The following RCBTB1 variants were observed in gnomAD, a reference collection of about 807,000 sequenced individuals.
The protein encoded by RCBTB1 is RCC1 and BTB domain-containing protein 1.
In RCBTB1, 46 loss-of-function variants were observed where a neutral mutation model predicts 62.4. The observed-to-expected ratio is 0.74, with a 90% CI of 0.58 to 0.94. RCBTB1 has a LOEUF of 0.94. Among genes scored for constraint, RCBTB1 ranks in the 40% least tolerant of loss-of-function variants. The pLI is 0.00. For synonymous variants in RCBTB1, 222 were observed against 245.8 expected (o/e 0.90, Z 0.91); for missense variants, 565 against 654.9 (o/e 0.86, Z 1.50).
chr13:49,573,224 G>A (rs1011990704), intron 2 of RCBTB1, among the ~76,000 whole-genome samples: 4 of 152,160 alleles, frequency 2.6e-5, no homozygotes, highest in African/African-American at 7.2e-5. Flanking sequence ...TTTTTCTAAA[G>A]TATAATATAT....
intron 5 of RCBTB1, among the ~76,000 whole-genome samples, chr13:49,559,566 A>G (rs527708485): frequency 1.3e-4 from 19 of 150,444 alleles, no homozygotes; most frequent in East Asian, 5.9e-4. Context: ...TGAGGCAGGA[A>G]AATGGCGTAA....
chr13:49,579,675 G>C (rs757010319), intron 2 of RCBTB1, among the ~76,000 whole-genome samples: 35 of 151,528 alleles, frequency 2.3e-4, no homozygotes, highest in Non-Finnish European at 4.0e-4. Flanking sequence ...CTGAATGCTT[G>C]ACTAAGGAGT....
rs1291923853 is a variant in RCBTB1, at chr13:49,569,575, C to T, written c.-41-2255G>A. 2.0e-5 allele frequency among the ~76,000 whole-genome samples: 3 copies of T among 151,680 alleles called. No individual in the cohort carries two copies. In the East Asian group the frequency reaches 5.8e-4, roughly 29 times the overall value. On this transcript the variant is annotated intron_variant, in intron 2 of 12. Transcript: ENST00000378302. ...GAAAATACAAAAAAAATTAGCCTGG[C>T]GGTAGTGGCGCATGCCTGTAATCCC...
In RCBTB1 at chr13:49,534,134, G is replaced by C. The variant is rs751115168; in HGVS notation, c.1584C>G (p.Ala528=). 1.4e-5 allele frequency: 23 copies of C among 1,613,764 alleles called. 1 individual carries two copies. In the South Asian group the frequency reaches 2.4e-4, roughly 17 times the overall value. The change falls in exon 13 of 13, where the codon GCC becomes GCG. Residue 528 remains alanine, a synonymous_variant. Coordinates refer to ENST00000378302, the MANE Select transcript of RCBTB1 (RefSeq NM_018191.4). Reference sequence around the variant, plus strand: ...GCAGCCTTGCGCTTCAGTTCTTAAAGGCTCCACATTTACTGGCTTTAGCAA... The same window carrying C: ...GCAGCCTTGCGCTTCAGTTCTTAAACGCTCCACATTTACTGGCTTTAGCAA... ...EFIAKASKCG[A]FKN
At chr13:49,535,717 A>C (rs1010448539) in intron 12 of RCBTB1, among the ~76,000 whole-genome samples, 5 of 152,152 alleles carry the variant, frequency 3.3e-5, no homozygotes. Flanking sequence ...CCATCCAGTC[A>C]CATAACCATT....
At chr13:49,559,472 C>T (rs1419443064) in intron 5 of RCBTB1, among the ~76,000 whole-genome samples, 9 of 151,966 alleles carry the variant, frequency 5.9e-5, no homozygotes, top group East Asian at 3.9e-4. Context: ...CTGGCTAACA[C>T]GGTGAAACCC....
chr13:49,582,488 T>C (rs1204847292), intron 1 of RCBTB1, among the ~76,000 whole-genome samples: 1 of 150,848 alleles, frequency 6.6e-6, no homozygotes, highest in Non-Finnish European at 1.5e-5. Flanking sequence ...ATTCTGTCTC[T>C]AAATAAATAA....
chr13:49,566,059 G>C (rs945131349), intron 4 of RCBTB1, among the ~76,000 whole-genome samples: 13 of 142,470 alleles, frequency 9.1e-5, no homozygotes, highest in African/African-American at 3.2e-4. Context: ...ATGCTTGAAG[G>C]CAGCATGCTC....
At chr13:49,564,514 A>C (rs1299344659) in intron 4 of RCBTB1, among the ~76,000 whole-genome samples, 1 of 140,052 alleles carries the variant, frequency 7.1e-6, no homozygotes, top group Admixed American at 7.7e-5. Context: ...TGAACCCAGG[A>C]GATGGAGGTT....
intron 1 of RCBTB1, among the ~76,000 whole-genome samples, chr13:49,581,063 G>C (rs1478398586): frequency 6.6e-6 from 1 of 152,156 alleles, no homozygotes; most frequent in Non-Finnish European, 1.5e-5. Flanking sequence ...AAGAAAGTCA[G>C]CATGGCTGCA....
chr13:49,540,918 A>T lies in RCBTB1; in HGVS notation c.1413T>A (p.Asn471Lys), dbSNP rs930863274. Reference sequence around the variant, plus strand: ...CTGCAGCAGAGAATAGCGAAAAGGCATTCTCCACAGTAATTCCTCTCTTGA... The same window carrying T: ...CTGCAGCAGAGAATAGCGAAAAGGCTTTCTCCACAGTAATTCCTCTCTTGA... ...HIIKRGITVE[N>K]AFSLFSAAVR... Residue 471 changes from asparagine to lysine, a missense_variant, in exon 12 of 13, where the codon AAT becomes AAA. Coordinates refer to ENST00000378302, the MANE Select transcript of RCBTB1 (RefSeq NM_018191.4). 1 of 1,614,044 alleles carries T rather than the reference A, an allele frequency of 6.2e-7. No individual in the cohort carries two copies. Among genetic ancestry groups the T allele is most frequent in the African/African-American group, 1.3e-5 (1 of 75,068 alleles).
At chr13:49,560,259 G>A (rs976165137) in intron 4 of RCBTB1, among the ~76,000 whole-genome samples, 175 bp from the exon 5 acceptor site, 1 of 152,186 alleles carries the variant, frequency 6.6e-6, no homozygotes, top group African/African-American at 2.4e-5. Flanking sequence ...GTGACAGAAC[G>A]GGATAGACAG....
intron 2 of RCBTB1, among the ~76,000 whole-genome samples, chr13:49,577,668 C>T (rs888240153): frequency 3.3e-5 from 5 of 152,064 alleles, no homozygotes; most frequent in Non-Finnish European, 5.9e-5. Flanking sequence ...AAGATTCTGA[C>T]GCTTCTGGTG....
intron 12 of RCBTB1, among the ~76,000 whole-genome samples, chr13:49,539,093 C>G (rs1030904019): frequency 5.3e-5 from 8 of 151,996 alleles, no homozygotes; most frequent in African/African-American, 1.7e-4. Flanking sequence ...TGGTCTCAAA[C>G]TCCTGATCTC....
At chr13:49,546,216 T>G in intron 9 of RCBTB1, 1 of 985,436 alleles carries the variant, frequency 1.0e-6, no homozygotes. Flanking sequence ...CTCTTTCTCC[T>G]CTTTGCTCCT....
At chr13:49,581,286 T>C (rs954565951) in intron 1 of RCBTB1, among the ~76,000 whole-genome samples, 10 of 150,218 alleles carry the variant, frequency 6.7e-5, no homozygotes, top group Non-Finnish European at 1.2e-4. Context: ...ATGGAGAAAA[T>C]TGAACAAGAA....
At chr13:49,549,679 T>C in intron 8 of RCBTB1, 31 bp from the exon 9 acceptor site, 3 of 1,582,906 alleles carry the variant, frequency 1.9e-6, no homozygotes, top group Non-Finnish European at 2.6e-6. Flanking sequence ...TGCATGTTAC[T>C]TCATGATCAC....
At position 49,534,176 on chromosome 13, in the gene RCBTB1, A is replaced by T; in HGVS notation, c.1542T>A (p.Pro514=). ...QTAAFWQMDG[P]LLKEFIAKAS... ...CTTTAGCAATGAATTCCTTTAGCAG[A>T]GGGCCATCCATTTGCCAAAATGCTG... Residue 514 remains proline, a synonymous_variant, in exon 13 of 13, where the codon CCT becomes CCA. Coordinates refer to ENST00000378302, the MANE Select transcript of RCBTB1 (RefSeq NM_018191.4). 6.2e-7 allele frequency: 1 copy of T among 1,614,200 alleles called. No individual in the cohort carries two copies. The highest frequency in any genetic ancestry group is 8.5e-7 in the Non-Finnish European group (1 of 1,180,010).
At chr13:49,546,677 C>T (rs1243184664) in intron 9 of RCBTB1, among the ~76,000 whole-genome samples, 1 of 152,184 alleles carries the variant, frequency 6.6e-6, no homozygotes, top group African/African-American at 2.4e-5. Flanking sequence ...ATAAGGAGCT[C>T]GCAACCTGTA....
Sources: gnomAD v4.1 joint callset for allele counts (sites outside exome capture counted in the v4.1 genomes callset) on GRCh38, gnomAD v4.1.1 for gene constraint, MANE v1.5 for transcripts, NCBI Gene and HGNC (gene_info 2026-07-23, HGNC 2026-07-21) for gene names.